The following BCL6B variants were observed in gnomAD, a reference collection of about 807,000 sequenced individuals.
BCL6B encodes the protein B-cell CLL/lymphoma 6 member B protein.
BCL6B carries 28 observed loss-of-function variants against 44.6 expected under a neutral mutation model. The ratio of observed to expected loss-of-function variants is 0.63; its 90% CI spans 0.47 to 0.86. The LOEUF (loss-of-function observed/expected upper bound fraction) is 0.86. BCL6B is among the 40% of genes least tolerant of loss of function. The probability of loss-of-function intolerance (pLI) is 0.00; values close to 1 mark genes in which losing one functional copy is unlikely to be tolerated. For synonymous variants in BCL6B, 268 were observed against 263.6 expected, an observed-to-expected ratio of 1.02 and a Z score of -0.16; for missense variants, 626 against 652.3, an observed-to-expected ratio of 0.96 and a Z score of 0.44.
At position 7,024,899 on chromosome 17, in the gene BCL6B, C is replaced by T; in HGVS notation, c.764+136C>T. The T allele has an allele frequency of 4.1e-6, 6 of 1,459,506 alleles. No individual in the cohort carries two copies. The highest frequency in any genetic ancestry group is 5.4e-6 in the Non-Finnish European group (6 of 1,103,924). The allele number at this position is 1,459,506 out of a possible 1,614,324, so 90.4% of individuals were successfully genotyped here. On this transcript the variant is annotated intron_variant, in intron 4 of 8. Coordinates refer to ENST00000293805, the MANE Select transcript of BCL6B (RefSeq NM_181844.4). The surrounding 1 kb of genome is among the most constrained non-coding windows in gnomAD (Gnocchi z 6.6). The stretch of plus-strand genomic sequence containing the variant: ...CACTAGCTCACCTTAAGGAGCTGGC[C>T]AGAGACCAGGTTTATTCAGCAGGGT...
chr17:7,027,037 C>G lies in BCL6B; in HGVS notation c.1273C>G (p.Gln425Glu). The change falls in exon 8 of 9, where the codon CAG becomes GAG. Residue 425 changes from glutamine to glutamate, a missense_variant. Physicochemically the swap from Gln to Glu is conservative, Grantham distance 29. Transcript: ENST00000293805. ...CTGCGGAACCCGCTTCCGCCACCTG[C>G]AGACCCTCAAGAGCCACGTTCGCAT... ...PTCGTRFRHL[Q>E]TLKSHVRIHT... The G allele has an allele frequency of 6.2e-7, 1 of 1,613,708 alleles. No individual in the cohort carries two copies. Among genetic ancestry groups the G allele is most frequent in the East Asian group, 2.2e-5 (1 of 44,884 alleles).
Position 7,027,002 on chromosome 17 carries a change from C to T in BCL6B, c.1238C>T (p.Pro413Leu), listed in dbSNP as rs1371381119. ...VLIHTGEKPY[P>L]CPTCGTRFRH... ...ATCCACACCGGGGAGAAGCCCTACCCTTGCCCTACCTGCGGAACCCGCTTC... is the reference window on the plus strand; with the variant it reads ...ATCCACACCGGGGAGAAGCCCTACCTTTGCCCTACCTGCGGAACCCGCTTC... The change falls in exon 8 of 9, where the codon CCT becomes CTT. Residue 413 changes from proline (P) to leucine (L), a missense_variant. By Grantham distance (98) the Pro-to-Leu change is moderately conservative. Transcript: ENST00000293805. 6.2e-7 allele frequency: 1 copy of T among 1,613,492 alleles called. No homozygotes were observed. Among genetic ancestry groups the T allele is most frequent in the Non-Finnish European group, 8.5e-7 (1 of 1,179,994 alleles).
rs541080613 is a variant in BCL6B at position 7,027,205 on chromosome 17, G to A, written c.1323+118G>A. 831 of 1,380,252 alleles carry A rather than the reference G, an allele frequency of 6.0e-4. 1 individual carries two copies. Among genetic ancestry groups the A allele is most frequent in the African/African-American group, 4.8e-3 (330 of 69,358 alleles). The allele number at this position is 1,380,252 out of a possible 1,614,324, so 85.5% of individuals were successfully genotyped here. ...GATCTCTTAGAAATGAGCGGTGGCC[G>A]GAAGAGTCCAAGCAAATAAGGGGTG... On this transcript the variant is annotated intron_variant, in intron 8 of 8. Transcript: ENST00000293805.
At position 7,024,287 on chromosome 17, in the gene BCL6B, C is replaced by T. The variant is rs1910219990; in HGVS notation, c.384C>T (p.His128=). Reference sequence around the variant, plus strand: ...TGGAGCACGTGGTCCAGGCATGCCACCGCTTCATCCAGGCCAGGTGAGGGA... The same window carrying T: ...TGGAGCACGTGGTCCAGGCATGCCATCGCTTCATCCAGGCCAGGTGAGGGA... ...LQMEHVVQAC[H]RFIQASYEPL... Residue 128 remains histidine (H), a synonymous_variant, in exon 3 of 9, where the codon CAC becomes CAT. Coordinates refer to ENST00000293805, the MANE Select transcript of BCL6B (RefSeq NM_181844.4). The surrounding 1 kb of genome is among the most constrained non-coding windows in gnomAD (Gnocchi z 6.6). 6.2e-7 allele frequency: 1 copy of T among 1,613,606 alleles called. No individual in the cohort carries two copies. Among genetic ancestry groups the T allele is most frequent in the African/African-American group, 1.3e-5 (1 of 74,924 alleles).
chr17:7,027,079 C>A lies in BCL6B; in HGVS notation c.1315C>A (p.Pro439Thr). The change falls in exon 8 of 9, where the codon CCT becomes ACT. Residue 439 changes from proline (P) to threonine (T), a missense_variant. By Grantham distance (38) the Pro-to-Thr change is conservative. Transcript: ENST00000293805. ...SHVRIHTGEK[P>T]YHCDPCGLHF... Reference sequence around the variant, plus strand: ...CGTTCGCATCCACACCGGAGAGAAGCCTTACCACGTGGGTACCCAACCTGG... The same window carrying A: ...CGTTCGCATCCACACCGGAGAGAAGACTTACCACGTGGGTACCCAACCTGG... 6.2e-7 allele frequency: 1 copy of A among 1,613,978 alleles called. No individual in the cohort carries two copies. Among genetic ancestry groups the A allele is most frequent in the Non-Finnish European group, 8.5e-7 (1 of 1,180,020 alleles).
In BCL6B at chr17:7,024,481, C is replaced by T; in HGVS notation, c.482C>T (p.Pro161Leu). The change falls in exon 4 of 9, where the codon CCC becomes CTC. Residue 161 changes from proline to leucine, a missense_variant. Physicochemically the swap from Pro to Leu is moderately conservative, Grantham distance 98 (BLOSUM62 -3). Coordinates refer to ENST00000293805, the MANE Select transcript of BCL6B (RefSeq NM_181844.4). The surrounding 1 kb of genome is among the most constrained non-coding windows in gnomAD (Gnocchi z 6.6). ...CCAACGGCCCCTCCACCAGGTAGTC[C>T]CAGGCGCTCCGAAGGACACCCAGAC... ...TPPTAPPPGS[P>L]RRSEGHPDPP... is the part of the protein sequence containing the mutation. 1 of 1,613,878 alleles carries T rather than the reference C, an allele frequency of 6.2e-7. No homozygotes were observed. Among genetic ancestry groups the T allele is most frequent in the Non-Finnish European group, 8.5e-7 (1 of 1,179,946 alleles).
At position 7,024,025 on chromosome 17, in the gene BCL6B, C is replaced by G; in HGVS notation, c.180-58C>G. 3 of 1,574,910 alleles carry G rather than the reference C, an allele frequency of 1.9e-6. No homozygotes were observed. Among genetic ancestry groups the G allele is most frequent in the Non-Finnish European group, 2.6e-6 (3 of 1,148,424 alleles). ...TTTCAGGGGGCGGGGCTTCCTGAAG[C>G]TGCGCATGTCTCCCTTGGTTCCCCA... On this transcript the variant is annotated intron_variant, in intron 2 of 8. Coordinates refer to ENST00000293805, the MANE Select transcript of BCL6B (RefSeq NM_181844.4). The surrounding 1 kb of genome is among the most constrained non-coding windows in gnomAD (Gnocchi z 6.6).
intron 5 of BCL6B, among the ~76,000 whole-genome samples, chr17:7,025,952 T>C (rs890361637): frequency 3.3e-5 from 5 of 151,880 alleles, no homozygotes; most frequent in Non-Finnish European, 5.9e-5. Flanking sequence ...AGACGGAGTC[T>C]CACTCTGTGG....
In BCL6B at chr17:7,028,249, C is replaced by T. The variant is rs1910355743; in HGVS notation, c.*630C>T. 10 of 985,646 alleles carry T rather than the reference C, an allele frequency of 1.0e-5. No individual in the cohort carries two copies. Among genetic ancestry groups the T allele is most frequent in the South Asian group, 4.7e-5 (1 of 21,296 alleles). The allele number at this position is 985,646 out of a possible 1,614,324, so 61.1% of individuals were successfully genotyped here. ...TGCCCCTGTAATTCTAGGTCTGGAA[C>T]CTTTATTTGTTCTAGGGCAGCTCTG... On this transcript the variant is annotated 3_prime_UTR_variant, in exon 9 of 9. Coordinates refer to ENST00000293805, the MANE Select transcript of BCL6B (RefSeq NM_181844.4).
rs781335380 is a variant in BCL6B at position 7,024,307 on chromosome 17, G to A, written c.401+3G>A. 11 of 1,613,786 alleles carry A rather than the reference G, an allele frequency of 6.8e-6. No individual in the cohort carries two copies. The highest frequency in any genetic ancestry group is 7.6e-6 in the Non-Finnish European group (9 of 1,180,006). On this transcript the variant is annotated splice_donor_region_variant and intron_variant, in intron 3 of 8. Coordinates refer to ENST00000293805, the MANE Select transcript of BCL6B (RefSeq NM_181844.4). The surrounding 1 kb of genome is among the most constrained non-coding windows in gnomAD (Gnocchi z 6.6). ...TGCCACCGCTTCATCCAGGCCAGGTGAGGGACCCTGGCTCGGCGTTCTCTG... is the reference window on the plus strand; with the variant it reads ...TGCCACCGCTTCATCCAGGCCAGGTAAGGGACCCTGGCTCGGCGTTCTCTG...
chr17:7,024,782 C>A lies in BCL6B; in HGVS notation c.764+19C>A. The stretch of plus-strand genomic sequence containing the variant: ...AGAGCAGGTACAGAGTCTAGAACCT[C>A]AAGAATTTGTCAGAGCTGGCCTCAG... On this transcript the variant is annotated intron_variant, in intron 4 of 8. Transcript: ENST00000293805. The surrounding 1 kb of genome is among the most constrained non-coding windows in gnomAD (Gnocchi z 6.6). 6.3e-7 allele frequency: 1 copy of A among 1,586,662 alleles called. No homozygotes were observed. The highest frequency in any genetic ancestry group is 8.6e-7 in the Non-Finnish European group (1 of 1,167,026).
At position 7,025,200 on chromosome 17, in the gene BCL6B, G is replaced by C; in HGVS notation, c.889G>C (p.Gly297Arg). 2.5e-6 allele frequency: 4 copies of C among 1,613,656 alleles called. No homozygotes were observed. The highest frequency in any genetic ancestry group is 3.4e-6 in the Non-Finnish European group (4 of 1,179,820). The change falls in exon 5 of 9, where the codon GGA becomes CGA. Residue 297 changes from glycine to arginine, a missense_variant and splice_region_variant. By Grantham distance (125) the Gly-to-Arg change is moderately radical (BLOSUM62 -2). Transcript: ENST00000293805. ...SPSERARPLP[G>R]SEFFSCQNCE... is the part of the protein sequence containing the mutation. ...CTCTGAACGGGCTCGTCCACTACCG[G>C]GTAAGAGCCCCTCTTTCTTGGCTTT...
chr17:7,024,201 C>T lies in BCL6B; in HGVS notation c.298C>T (p.Arg100Cys). Reference sequence around the variant, plus strand: ...TCTATTGGACTTCATGTACACTTCGCGCCTGCGCCTCTCTCCAGCCACTGC... The same window carrying T: ...TCTATTGGACTTCATGTACACTTCGTGCCTGCGCCTCTCTCCAGCCACTGC... Reference protein sequence around the residue: ...APLLDFMYTSRLRLSPATAPA... With the variant: ...APLLDFMYTSCLRLSPATAPA... The change falls in exon 3 of 9, where the codon CGC becomes TGC. Residue 100 changes from arginine to cysteine, a missense_variant. Arg to Cys is a radical substitution (Grantham distance 180, BLOSUM62 -3). Coordinates refer to ENST00000293805, the MANE Select transcript of BCL6B (RefSeq NM_181844.4). This position sits in a 1 kb window ranked among gnomAD's most constrained non-coding sequence, Gnocchi z 6.6. The T allele has an allele frequency of 6.2e-7, 1 of 1,613,892 alleles. No homozygotes were observed. The highest frequency in any genetic ancestry group is 8.5e-7 in the Non-Finnish European group (1 of 1,180,014).
rs772415626 is a variant in BCL6B, at chr17:7,024,105, C to G, written c.202C>G (p.Arg68Gly). 6.2e-7 allele frequency: 1 copy of G among 1,613,946 alleles called. No homozygotes were observed. Among genetic ancestry groups the G allele is most frequent in the South Asian group, 1.1e-5 (1 of 91,082 alleles). ...TAGTGGCTTCTTCTATTCAATTTTC[C>G]GGGGCCGTGCGGGAGTCGGGGTGGA... is the stretch of plus-strand genomic sequence containing the variant. ...ACSGFFYSIF[R>G]GRAGVGVDVL... Residue 68 changes from arginine (R) to glycine (G), a missense_variant, in exon 3 of 9, where the codon CGG (arginine) becomes GGG (glycine). Physicochemically the swap from Arg to Gly is moderately radical, Grantham distance 125. Transcript: ENST00000293805. This position sits in a 1 kb window ranked among gnomAD's most constrained non-coding sequence, Gnocchi z 6.6.
chr17:7,025,095 A>C lies in BCL6B; in HGVS notation c.784A>C (p.Thr262Pro). The C allele has an allele frequency of 6.2e-7, 1 of 1,613,736 alleles. No individual in the cohort carries two copies. The highest frequency in any genetic ancestry group is 8.5e-7 in the Non-Finnish European group (1 of 1,179,936). ...PQSRLSPTAATVQFKCGAPAS... is the reference protein window; with the variant it reads ...PQSRLSPTAAPVQFKCGAPAS... ...GCCTAGGCTCTCTCCAACTGCTGCCACTGTGCAGTTCAAATGTGGGGCTCC... is the reference window on the plus strand; with the variant it reads ...GCCTAGGCTCTCTCCAACTGCTGCCCCTGTGCAGTTCAAATGTGGGGCTCC... Residue 262 changes from threonine to proline, a missense_variant, in exon 5 of 9, where the codon ACT becomes CCT. Coordinates refer to ENST00000293805, the MANE Select transcript of BCL6B (RefSeq NM_181844.4).
rs760106600 is a variant in BCL6B at position 7,024,506 on chromosome 17, C to T, written c.507C>T (p.Asp169=). The T allele has an allele frequency of 1.9e-6, 3 of 1,613,850 alleles. No individual in the cohort carries two copies. The highest frequency in any genetic ancestry group is 2.2e-5 in the South Asian group (2 of 91,056). The change falls in exon 4 of 9, where the codon GAC becomes GAT. Residue 169 remains aspartate (D), a synonymous_variant. Coordinates refer to ENST00000293805, the MANE Select transcript of BCL6B (RefSeq NM_181844.4). This position sits in a 1 kb window ranked among gnomAD's most constrained non-coding sequence, Gnocchi z 6.6. ...GSPRRSEGHP[D]PPTESRSCSQ... is the part of the protein sequence containing the mutation. ...CCAGGCGCTCCGAAGGACACCCAGA[C>T]CCACCTACTGAATCTCGAAGCTGCA...
At chr17:7,027,218 C>A in intron 8 of BCL6B, 131 bp downstream of exon 8, 1 of 1,281,846 alleles carries the variant, frequency 7.8e-7, no homozygotes, top group Non-Finnish European at 1.1e-6. Context: ...AGAGTCCAAG[C>A]AAATAAGGGG....
Position 7,024,952 on chromosome 17 carries a change from C to G in BCL6B, c.765-124C>G. 1 of 1,499,116 alleles carries G rather than the reference C, an allele frequency of 6.7e-7. No homozygotes were observed. Among genetic ancestry groups the G allele is most frequent in the Non-Finnish European group, 8.9e-7 (1 of 1,118,872 alleles). The allele number at this position is 1,499,116 out of a possible 1,614,324, so 92.9% of individuals were successfully genotyped here. On this transcript the variant is annotated intron_variant, in intron 4 of 8. Coordinates refer to ENST00000293805, the MANE Select transcript of BCL6B (RefSeq NM_181844.4). This position sits in a 1 kb window ranked among gnomAD's most constrained non-coding sequence, Gnocchi z 6.6. ...CACTTGGGCAGTACAATGGATGTGGCTCATTGGTCAACAATATTGGCTCAC... is the reference window on the plus strand; with the variant it reads ...CACTTGGGCAGTACAATGGATGTGGGTCATTGGTCAACAATATTGGCTCAC...
chr17:7,029,346 G>A lies in BCL6B; in HGVS notation c.*1727G>A, dbSNP rs377189055. 3 of 992,260 alleles carry A rather than the reference G, an allele frequency of 3.0e-6. No individual in the cohort carries two copies. Among genetic ancestry groups the A allele is most frequent in the African/African-American group, 3.5e-5 (2 of 57,378 alleles). 61.5% of individuals were successfully genotyped at this position (992,260 alleles called of 1,614,324 possible). A position where few individuals can be genotyped will look rare whatever the true frequency, so the allele number is the denominator to read the frequency against. On this transcript the variant is annotated 3_prime_UTR_variant, in exon 9 of 9. Coordinates refer to ENST00000293805, the MANE Select transcript of BCL6B (RefSeq NM_181844.4). ...TGCCCTGGGGCTTATCTGATTATGGGACGAGGGTAGAAAGTAAGAAGCACT... is the reference window on the plus strand; with the variant it reads ...TGCCCTGGGGCTTATCTGATTATGGAACGAGGGTAGAAAGTAAGAAGCACT...
Sources: allele counts gnomAD v4.1 joint callset (sites outside exome capture counted in the v4.1 genomes callset), GRCh38; gene constraint gnomAD v4.1.1; non-coding constraint Gnocchi (gnomAD v3.1); transcripts MANE v1.5; gene names NCBI Gene and HGNC (gene_info 2026-07-23, HGNC 2026-07-21).